The following FBLN5 variants were observed in gnomAD, a reference collection of about 807,000 sequenced individuals.
The protein encoded by FBLN5 is fibulin-5.
In FBLN5, 24 loss-of-function variants were observed where a neutral mutation model predicts 61.6. The ratio of observed to expected loss-of-function variants is 0.39; its 90% CI spans 0.28 to 0.55. FBLN5 has a LOEUF of 0.55. FBLN5 is among the 20% of genes least tolerant of loss of function. The probability of loss-of-function intolerance (pLI) is 0.65; values close to 1 mark genes in which losing one functional copy is unlikely to be tolerated. For missense variants in FBLN5, 470 were observed against 594.1 expected (o/e 0.79, Z 2.17); for synonymous variants, 213 against 219.8 (o/e 0.97, Z 0.27).
rs1335607008 is a variant in FBLN5, at chr14:91,947,203, G to C, written c.17+10C>G. The C allele has an allele frequency of 1.2e-6, 2 of 1,614,050 alleles. No homozygotes were observed. The highest frequency in any genetic ancestry group is 1.7e-6 in the Non-Finnish European group (2 of 1,180,022). The stretch of plus-strand genomic sequence containing the variant: ...CCTGGAGAAAGAAAAGTCCAGCGCC[G>C]AGAACCCACCTTTTTATTCCTGGCA... On this transcript the variant is annotated intron_variant, in intron 1 of 10. Coordinates refer to ENST00000342058, the MANE Select transcript of FBLN5 (RefSeq NM_006329.4). The surrounding 1 kb of genome is among the most constrained non-coding windows in gnomAD (Gnocchi z 4.3).
intron 10 of FBLN5, among the ~76,000 whole-genome samples, chr14:91,875,446 G>A (rs771504379): frequency 6.6e-6 from 1 of 152,178 alleles, no homozygotes; most frequent in Non-Finnish European, 1.5e-5. Flanking sequence ...AGAATTAGGG[G>A]CTGAGAGGTT....
intron 4 of FBLN5, among the ~76,000 whole-genome samples, chr14:91,920,630 T>C (rs2055717223): frequency 6.6e-6 from 1 of 152,168 alleles, no homozygotes; most frequent in African/African-American, 2.4e-5. Flanking sequence ...TGTCCCTCCT[T>C]GGTAAAGACT....
At chr14:91,927,340 G>T (rs1301776231) in intron 4 of FBLN5, among the ~76,000 whole-genome samples, 1 of 152,108 alleles carries the variant, frequency 6.6e-6, no homozygotes, top group African/African-American at 2.4e-5. Flanking sequence ...CAGGGTTGGG[G>T]GTGTGAGCTG....
chr14:91,894,640 C>T (rs1015911281), intron 5 of FBLN5, among the ~76,000 whole-genome samples: 1 of 151,772 alleles, frequency 6.6e-6, no homozygotes, highest in East Asian at 1.9e-4. Context: ...GAGAATCACT[C>T]AAACCCAGGA....
chr14:91,943,032 G>A lies in FBLN5; in HGVS notation c.18-71C>T, dbSNP rs1015326450. ...GTCTAGGGGAGTGTGGGTCGCATGCGGCCCGTGACGTGTAACGGTGATATC... is the reference window on the plus strand; with the variant it reads ...GTCTAGGGGAGTGTGGGTCGCATGCAGCCCGTGACGTGTAACGGTGATATC... On this transcript the variant is annotated intron_variant, in intron 1 of 10. Transcript: ENST00000342058. This position sits in a 1 kb window ranked among gnomAD's most constrained non-coding sequence, Gnocchi z 4.0. 4.0e-6 allele frequency: 4 copies of A among 989,248 alleles called. No homozygotes were observed. The highest frequency in any genetic ancestry group is 2.0e-5 in the Admixed American group (1 of 50,310). The allele number at this position is 989,248 out of a possible 1,614,324, so 61.3% of individuals were successfully genotyped here.
rs1219657565 is a variant in FBLN5, at chr14:91,943,706, A to G, written c.18-745T>C. Among the ~76,000 whole-genome samples, 1 of 152,192 alleles carries G rather than the reference A, an allele frequency of 6.6e-6. No individual in the cohort carries two copies. Among genetic ancestry groups the G allele is most frequent in the South Asian group, 2.1e-4 (1 of 4,836 alleles). On this transcript the variant is annotated intron_variant, in intron 1 of 10. Transcript: ENST00000342058. This position sits in a 1 kb window ranked among gnomAD's most constrained non-coding sequence, Gnocchi z 4.0. ...ATGTGAGGCACTTTGAGTGGCACCA[A>G]AGAAAGGTGTCACAGGAAGTCACTG... is the stretch of plus-strand genomic sequence containing the variant.
At chr14:91,933,911 A>G (rs890340079) in intron 4 of FBLN5, among the ~76,000 whole-genome samples, 1 of 152,018 alleles carries the variant, frequency 6.6e-6, no homozygotes, top group Non-Finnish European at 1.5e-5. Flanking sequence ...GGAATTTGAG[A>G]CCAGCCTGGG....
At chr14:91,927,880 C>T (rs1362181852) in intron 4 of FBLN5, among the ~76,000 whole-genome samples, 1 of 152,248 alleles carries the variant, frequency 6.6e-6, no homozygotes, top group Non-Finnish European at 1.5e-5. Context: ...ATAAAAGTAA[C>T]ATGACTAGAC....
chr14:91,910,797 G>A (rs1167519757), intron 4 of FBLN5, among the ~76,000 whole-genome samples: 5 of 151,992 alleles, frequency 3.3e-5, no homozygotes, highest in Non-Finnish European at 5.9e-5. Flanking sequence ...AAGGGATGGC[G>A]GGGAGAAAGA....
intron 4 of FBLN5, among the ~76,000 whole-genome samples, chr14:91,915,545 G>A (rs1329552736): frequency 2.0e-5 from 3 of 151,800 alleles, no homozygotes; most frequent in African/African-American, 7.3e-5. Context: ...AATTAGCCCA[G>A]GCGTGGTGGT....
intron 4 of FBLN5, among the ~76,000 whole-genome samples, chr14:91,935,704 TA>T (rs202179114): frequency 1.3e-5 from 2 of 152,082 alleles, no homozygotes; most frequent in African/African-American, 2.4e-5. Flanking sequence ...TAAAGATTGG[TA>T]AAAAAAAGTC....
At chr14:91,894,841 C>CA in intron 5 of FBLN5, 109 bp downstream of exon 5, 17 of 563,074 alleles carry the variant, frequency 3.0e-5, no homozygotes, top group East Asian at 1.3e-4. Flanking sequence ...CCCTCCCTAG[C>CA]AAAGAAAAGC....
intron 6 of FBLN5, 126 bp from the exon 7 acceptor site, chr14:91,887,438 C>T: frequency 1.0e-6 from 1 of 973,164 alleles, no homozygotes; most frequent in Non-Finnish European, 1.6e-6. Flanking sequence ...TACCAAGGCT[C>T]TCCACCCAGG....
chr14:91,918,340 T>A (rs2055662868), intron 4 of FBLN5, among the ~76,000 whole-genome samples: 1 of 152,224 alleles, frequency 6.6e-6, no homozygotes, highest in African/African-American at 2.4e-5. Context: ...CTGCTGAAAC[T>A]GCTCTTGCTC....
At chr14:91,915,921 A>G (rs1891181250) in intron 4 of FBLN5, among the ~76,000 whole-genome samples, 1 of 152,102 alleles carries the variant, frequency 6.6e-6, no homozygotes. Flanking sequence ...GGACACCAAA[A>G]CTAGTAAGAG....
At chr14:91,927,058 C>A (rs1281598193) in intron 4 of FBLN5, among the ~76,000 whole-genome samples, 4 of 152,208 alleles carry the variant, frequency 2.6e-5, no homozygotes, top group African/African-American at 9.7e-5. Context: ...GAATTGCTCA[C>A]TTCAGATCCT....
rs928097089 is a variant in FBLN5 at position 91,911,061 on chromosome 14, G to A, written c.380-15989C>T. Reference sequence around the variant, plus strand: ...TGCAGCGGCACGATCTCAGCTCACTGCAACCTCCACCTCCTGGGTTCAAGT... The same window carrying A: ...TGCAGCGGCACGATCTCAGCTCACTACAACCTCCACCTCCTGGGTTCAAGT... On this transcript the variant is annotated intron_variant, in intron 4 of 10. Coordinates refer to ENST00000342058, the MANE Select transcript of FBLN5 (RefSeq NM_006329.4). Among the ~76,000 whole-genome samples, 107 of 151,826 alleles carry A rather than the reference G, an allele frequency of 7.0e-4. 3 individuals carry two copies. Among genetic ancestry groups the A allele is most frequent in the Admixed American group, 6.9e-3 (106 of 15,262 alleles).
intron 4 of FBLN5, among the ~76,000 whole-genome samples, chr14:91,900,818 G>A (rs1437884711): frequency 6.6e-6 from 1 of 152,224 alleles, no homozygotes; most frequent in Admixed American, 6.5e-5. Context: ...CCGGGGAGGT[G>A]CTGTTTCTGA....
At chr14:91,871,161 A>C (rs114590531) in intron 10 of FBLN5, among the ~76,000 whole-genome samples, 1,557 of 151,614 alleles carry the variant, frequency 0.01, 24 homozygotes, top group African/African-American at 0.034. Context: ...AGTGGAATAA[A>C]AGTTTTAAAA....
Sources: allele counts gnomAD v4.1 joint callset (sites outside exome capture counted in the v4.1 genomes callset), GRCh38; gene constraint gnomAD v4.1.1; non-coding constraint Gnocchi (gnomAD v3.1); transcripts MANE v1.5; gene names NCBI Gene and HGNC (gene_info 2026-07-23, HGNC 2026-07-21).